Variants in STAB2 observed in about 807,000 individuals in gnomAD.
STAB2 encodes stabilin 2, also known as stabilin-2.
Under a neutral mutation model 338.1 loss-of-function variants are expected in STAB2, and 288 were observed. The ratio of observed to expected loss-of-function variants is 0.85; its 90% CI spans 0.77 to 0.94. STAB2 has a LOEUF of 0.94. STAB2 is among the 40% of genes least tolerant of loss of function. STAB2 has a pLI of 0.00. For synonymous variants in STAB2, 1,202 were observed against 1,193.3 expected (o/e 1.01, Z -0.15); for missense variants, 3,141 against 3,210.1 (o/e 0.98, Z 0.52).
chr12:103,698,162 C>T (rs1396697239), intron 33 of STAB2, among the ~76,000 whole-genome samples: 1 of 152,154 alleles, frequency 6.6e-6, no homozygotes, highest in Admixed American at 6.5e-5. Context: ...TAGAGCTTCT[C>T]ATTGGCAGAC....
chr12:103,689,816 AG>A, intron 28 of STAB2, 29 bp from the exon 29 acceptor site: 1 of 1,604,796 alleles, frequency 6.2e-7, no homozygotes, highest in East Asian at 2.2e-5. Flanking sequence ...TAACATAAGC[AG>A]GTCACTTTAT....
rs201122578 is a variant in STAB2 at position 103,749,038 on chromosome 12, C to T, written c.6320C>T (p.Ser2107Phe). ...ARCSQKGTKV[S>F]CSCQKGYKGD... ...TGCTCCCAGAAGGGCACGAAGGTCT[C>T]CTGCAGCTGCCAGAAGGGATACAAA... is the stretch of plus-strand genomic sequence containing the variant. The change falls in exon 59 of 69, where the codon TCC (serine) becomes TTC (phenylalanine). Residue 2107 changes from serine (S) to phenylalanine (F), a missense_variant. Physicochemically the swap from Ser to Phe is radical, Grantham distance 155. Transcript: ENST00000388887. The T allele has an allele frequency of 5.0e-6, 8 of 1,614,140 alleles. No homozygotes were observed. Among genetic ancestry groups the T allele is most frequent in the Admixed American group, 3.3e-5 (2 of 60,022 alleles).
At chr12:103,676,416 G>C (rs564943292) in intron 24 of STAB2, among the ~76,000 whole-genome samples, 1 of 152,258 alleles carries the variant, frequency 6.6e-6, no homozygotes, top group East Asian at 1.9e-4. Context: ...AGGAAATCCT[G>C]AGGAAAGACA....
intron 34 of STAB2, among the ~76,000 whole-genome samples, chr12:103,702,403 G>A (rs1196650961): frequency 1.1e-4 from 17 of 151,556 alleles, no homozygotes; most frequent in East Asian, 3.9e-4. Context: ...GGTTCACGCC[G>A]TTCTCCTGCC....
chr12:103,675,065 A>T (rs1876207613), intron 23 of STAB2, among the ~76,000 whole-genome samples: 1 of 152,188 alleles, frequency 6.6e-6, no homozygotes, highest in South Asian at 2.1e-4. Flanking sequence ...AGATCAACCT[A>T]TTTCTTCATT....
rs1050972810 is a variant in STAB2 at position 103,655,914 on chromosome 12, G to C, written c.1734+333G>C. The stretch of plus-strand genomic sequence containing the variant: ...CTCACTAGTAAAATCAACACTTCAA[G>C]TTCCCTACAACTCTAAAATCACCTA... On this transcript the variant is annotated intron_variant, in intron 15 of 68. Transcript: ENST00000388887. 2.6e-5 allele frequency among the ~76,000 whole-genome samples: 4 copies of C among 152,156 alleles called. No homozygotes were observed. In the East Asian group the frequency reaches 7.7e-4, roughly 29 times the overall value.
At position 103,758,300 on chromosome 12, in the gene STAB2, T is replaced by C; in HGVS notation, c.7107+11T>C. ...CTGGGGGAGAATGAGGTGAGTTGAG[T>C]CCCTGGTGCCTTTGCTTTAGACTAG... On this transcript the variant is annotated intron_variant, in intron 64 of 68. Coordinates refer to ENST00000388887, the MANE Select transcript of STAB2 (RefSeq NM_017564.10). The C allele has an allele frequency of 1.9e-6, 3 of 1,612,552 alleles. No individual in the cohort carries two copies. The highest frequency in any genetic ancestry group is 2.5e-6 in the Non-Finnish European group (3 of 1,180,010).
intron 22 of STAB2, among the ~76,000 whole-genome samples, chr12:103,673,001 C>T (rs1875961746): frequency 6.6e-6 from 1 of 152,102 alleles, no homozygotes; most frequent in Non-Finnish European, 1.5e-5. Flanking sequence ...TATAAAAGTA[C>T]CTACCTTCTG....
At chr12:103,592,762 A>G (rs945179093) in intron 2 of STAB2, among the ~76,000 whole-genome samples, 1 of 152,166 alleles carries the variant, frequency 6.6e-6, no homozygotes, top group Non-Finnish European at 1.5e-5. Flanking sequence ...ATATTATGTT[A>G]TTGTTTAGGC....
chr12:103,613,351 G>C (rs538490767), intron 3 of STAB2, among the ~76,000 whole-genome samples: 9 of 152,274 alleles, frequency 5.9e-5, no homozygotes, highest in African/African-American at 2.2e-4. Context: ...CGAGCTTCCC[G>C]GCCACTTTGT....
chr12:103,714,729 C>T (rs7138824), intron 42 of STAB2, among the ~76,000 whole-genome samples: 18,202 of 151,082 alleles, frequency 0.12, 2,181 homozygotes, highest in African/African-American at 0.31. Flanking sequence ...ATCATTTGCT[C>T]TCTTTGTATA....
chr12:103,637,772 C>T (rs1957572091), intron 7 of STAB2, among the ~76,000 whole-genome samples: 1 of 152,190 alleles, frequency 6.6e-6, no homozygotes, highest in African/African-American at 2.4e-5. Context: ...TTAATGTTTT[C>T]TTTCATGCTG....
At chr12:103,607,389 G>A (rs12296543) in intron 3 of STAB2, among the ~76,000 whole-genome samples, 1 of 44,912 alleles carries the variant, frequency 2.2e-5, no homozygotes, top group Non-Finnish European at 4.4e-5. Flanking sequence ...TCTTTTTTCT[G>A]TTTTTTTTTA....
intron 6 of STAB2, among the ~76,000 whole-genome samples, chr12:103,636,294 G>A (rs1015132272): frequency 2.1e-4 from 31 of 148,550 alleles, no homozygotes; most frequent in Non-Finnish European, 4.0e-4. Context: ...GAGAACATGC[G>A]GTGTTTGGTT....
intron 5 of STAB2, among the ~76,000 whole-genome samples, chr12:103,625,542 A>T (rs1310692874): frequency 6.6e-6 from 1 of 152,012 alleles, no homozygotes; most frequent in Non-Finnish European, 1.5e-5. Flanking sequence ...CCAGTGTGTG[A>T]TGTTCCCCTT....
At chr12:103,688,250 G>T in intron 28 of STAB2, 35 bp downstream of exon 28, 1 of 1,605,536 alleles carries the variant, frequency 6.2e-7, no homozygotes, top group Non-Finnish European at 8.5e-7. Flanking sequence ...GATTGGGAAT[G>T]TATATATTTT....
At chr12:103,639,274 G>T (rs1166187242) in intron 8 of STAB2, among the ~76,000 whole-genome samples, 1 of 152,080 alleles carries the variant, frequency 6.6e-6, no homozygotes, top group African/African-American at 2.4e-5. Flanking sequence ...TCCAAAGCAG[G>T]GTTTCTCTAC....
At chr12:103,641,930 A>T (rs141178999) in intron 9 of STAB2, among the ~76,000 whole-genome samples, 5 of 152,340 alleles carry the variant, frequency 3.3e-5, no homozygotes, top group African/African-American at 1.2e-4. Flanking sequence ...TTCATCTGGG[A>T]TAAAAATTTA....
intron 11 of STAB2, among the ~76,000 whole-genome samples, chr12:103,650,799 A>C (rs1056691805): frequency 6.6e-6 from 1 of 152,282 alleles, no homozygotes; most frequent in African/African-American, 2.4e-5. Flanking sequence ...ACGTGAACCT[A>C]CTTGTGTAAA....
Sources: allele counts gnomAD v4.1 joint callset (sites outside exome capture counted in the v4.1 genomes callset), GRCh38; gene constraint gnomAD v4.1.1; transcripts MANE v1.5; gene names NCBI Gene and HGNC (gene_info 2026-07-23, HGNC 2026-07-21).